The following EPHA7 variants were observed in gnomAD, a reference collection of about 807,000 sequenced individuals.
EPHA7 encodes ephrin type-A receptor 7.
In EPHA7, 25 loss-of-function variants were observed where a neutral mutation model predicts 112.6. The ratio of observed to expected loss-of-function variants is 0.22; its 90% CI spans 0.16 to 0.31. EPHA7 has a LOEUF of 0.31. EPHA7 is among the 10% of genes least tolerant of loss of function. The pLI, the probability that EPHA7 is intolerant of heterozygous loss-of-function variation, is 1.00. For synonymous variants in EPHA7, 437 were observed against 406.5 expected (o/e 1.07, Z -0.90); for missense variants, 962 against 1,212.6 (o/e 0.79, Z 3.07).
intron 5 of EPHA7, among the ~76,000 whole-genome samples, chr6:93,348,336 C>T (rs923166083): frequency 6.6e-6 from 1 of 151,618 alleles, no homozygotes; most frequent in Non-Finnish European, 1.5e-5. Context: ...CCTAAATATA[C>T]CAAACTATAA....
At chr6:93,402,018 C>A (rs574491246) in intron 3 of EPHA7, among the ~76,000 whole-genome samples, 2 of 151,970 alleles carry the variant, frequency 1.3e-5, no homozygotes, top group Admixed American at 6.6e-5. Context: ...TAACTGCCTG[C>A]CAGAAACCGA....
Position 93,398,459 on chromosome 6 carries a change from C to A in EPHA7, c.832+12042G>T, listed in dbSNP as rs540391470. On this transcript the variant is annotated intron_variant, in intron 3 of 16. Transcript: ENST00000369303. ...TTCAAATTATGAAAATGTGCCATAC[C>A]GTATGATTTGTAATTTTTATTTTGA... Among the ~76,000 whole-genome samples the A allele has an allele frequency of 2.6e-5, 4 of 151,922 alleles. No individual in the cohort carries two copies. In the East Asian group the frequency reaches 7.8e-4, roughly 29 times the overall value.
At chr6:93,372,799 T>C (rs1330660497) in intron 3 of EPHA7, among the ~76,000 whole-genome samples, 1 of 152,092 alleles carries the variant, frequency 6.6e-6, no homozygotes, top group Non-Finnish European at 1.5e-5. Flanking sequence ...CTAAGTGCTA[T>C]TCAATATGGT....
chr6:93,358,404 G>A lies in EPHA7; in HGVS notation c.840C>T (p.Gly280=), dbSNP rs372315274. The A allele has an allele frequency of 9.3e-6, 15 of 1,606,120 alleles. No homozygotes were observed. The highest frequency in any genetic ancestry group is 1.3e-5 in the Non-Finnish European group (15 of 1,175,988). ...QQKGDTCEPC[G]RGFYKSSSQD... ...GAGAGGAAGACTTGTAGAACCCACG[G>A]CCACAGGCTGGGAATGCAAAAGAAA... is the stretch of plus-strand genomic sequence containing the variant. The change falls in exon 4 of 17, where the codon GGC becomes GGT. Residue 280 remains glycine, a synonymous_variant. Coordinates refer to ENST00000369303, the MANE Select transcript of EPHA7 (RefSeq NM_004440.4).
At chr6:93,299,219 A>G (rs987520365) in intron 5 of EPHA7, among the ~76,000 whole-genome samples, 14 of 151,954 alleles carry the variant, frequency 9.2e-5, no homozygotes, top group Non-Finnish European at 1.3e-4. Context: ...CCAGCTACTC[A>G]GGAAGCTGAG....
intron 5 of EPHA7, among the ~76,000 whole-genome samples, chr6:93,338,773 G>T (rs1264787992): frequency 1.3e-5 from 2 of 151,358 alleles, no homozygotes; most frequent in Non-Finnish European, 3.0e-5. Flanking sequence ...GTCTTCCAAA[G>T]TTATACTATC....
chr6:93,410,285 A>C lies in EPHA7; in HGVS notation c.832+216T>G. ...GCATAGGACACATTAAATTTTAGTAACAAATTTCATTATCACCTATATTGA... is the reference window on the plus strand; with the variant it reads ...GCATAGGACACATTAAATTTTAGTACCAAATTTCATTATCACCTATATTGA... On this transcript the variant is annotated intron_variant, in intron 3 of 16. Coordinates refer to ENST00000369303, the MANE Select transcript of EPHA7 (RefSeq NM_004440.4). This position sits in a 1 kb window ranked among gnomAD's most constrained non-coding sequence, Gnocchi z 4.0. 1 of 546,876 alleles carries C rather than the reference A, an allele frequency of 1.8e-6. No homozygotes were observed. The highest frequency in any genetic ancestry group is 3.2e-6 in the Non-Finnish European group (1 of 308,880). The allele number at this position is 546,876 out of a possible 1,614,324, so 33.9% of individuals were successfully genotyped here.
intron 5 of EPHA7, among the ~76,000 whole-genome samples, chr6:93,339,527 TTAAC>T (rs1214017309): frequency 1.3e-5 from 2 of 151,740 alleles, no homozygotes; most frequent in Admixed American, 6.6e-5. Context: ...AATACTGAGA[TTAAC>T]TAATAAGATA....
chr6:93,372,742 G>C (rs542201528), intron 3 of EPHA7, among the ~76,000 whole-genome samples: 1 of 152,082 alleles, frequency 6.6e-6, no homozygotes, highest in Non-Finnish European at 1.5e-5. Flanking sequence ...TTGATGAAAT[G>C]TGTTGAGTGA....
Position 93,410,928 on chromosome 6 carries a change from G to T in EPHA7, c.405C>A (p.Gly135=), listed in dbSNP as rs749038632. ...LYYYETDYDT[G]RNIRENLYVK... is the part of the protein sequence containing the mutation. The stretch of plus-strand genomic sequence containing the variant: ...CATAGAGGTTTTCTCTTATATTCCT[G>T]CCAGTGTCATAGTCTGTTTCATAAT... The change falls in exon 3 of 17, where the codon GGC becomes GGA. Residue 135 remains glycine, a synonymous_variant. Coordinates refer to ENST00000369303, the MANE Select transcript of EPHA7 (RefSeq NM_004440.4). The surrounding 1 kb of genome is among the most constrained non-coding windows in gnomAD (Gnocchi z 4.0). 3 of 1,613,728 alleles carry T rather than the reference G, an allele frequency of 1.9e-6. No homozygotes were observed. The African/African-American group carries it at 4.0e-5, about 22-fold the overall frequency.
chr6:93,294,844 T>C (rs941201902), intron 5 of EPHA7, among the ~76,000 whole-genome samples: 2 of 152,132 alleles, frequency 1.3e-5, no homozygotes, highest in African/African-American at 4.8e-5. Flanking sequence ...TCAGTACTTT[T>C]TCTTTGCTTG....
intron 5 of EPHA7, among the ~76,000 whole-genome samples, chr6:93,302,510 C>T (rs976854967): frequency 8.5e-5 from 13 of 152,146 alleles, no homozygotes; most frequent in African/African-American, 3.1e-4. Context: ...ACCTCACTCC[C>T]TCTGGTACCT....
At chr6:93,342,053 T>C (rs1476603378) in intron 5 of EPHA7, among the ~76,000 whole-genome samples, 1 of 151,796 alleles carries the variant, frequency 6.6e-6, no homozygotes, top group Non-Finnish European at 1.5e-5. Flanking sequence ...AGGCCGAAAT[T>C]GGATACTTGG....
At chr6:93,374,587 C>T (rs1776960942) in intron 3 of EPHA7, among the ~76,000 whole-genome samples, 1 of 152,022 alleles carries the variant, frequency 6.6e-6, no homozygotes, top group Non-Finnish European at 1.5e-5. Context: ...TTTTATTTGC[C>T]AAAATAGAAG....
chr6:93,308,123 C>T (rs1773350467), intron 5 of EPHA7, among the ~76,000 whole-genome samples: 1 of 152,112 alleles, frequency 6.6e-6, no homozygotes, highest in East Asian at 1.9e-4. Flanking sequence ...AAAGCATATT[C>T]TTTGTATCTC....
At chr6:93,383,245 A>C (rs976764070) in intron 3 of EPHA7, among the ~76,000 whole-genome samples, 2 of 146,186 alleles carry the variant, frequency 1.4e-5, no homozygotes, top group Non-Finnish European at 1.5e-5. Context: ...AAAATATACA[A>C]TGACTTATAT....
intron 3 of EPHA7, among the ~76,000 whole-genome samples, chr6:93,398,587 AG>A (rs1409628393): frequency 8.0e-6 from 1 of 124,954 alleles, no homozygotes; most frequent in Non-Finnish European, 1.6e-5. Context: ...AAGATGGAGA[AG>A]GAAAAAAAAA....
At chr6:93,314,317 T>C (rs1477541247) in intron 5 of EPHA7, among the ~76,000 whole-genome samples, 1 of 152,222 alleles carries the variant, frequency 6.6e-6, no homozygotes, top group Non-Finnish European at 1.5e-5. Context: ...TAATCATTTA[T>C]GTATTATTTA....
intron 5 of EPHA7, among the ~76,000 whole-genome samples, chr6:93,299,321 G>A (rs1396479493): frequency 1.3e-5 from 2 of 148,440 alleles, no homozygotes; most frequent in Non-Finnish European, 3.0e-5. Flanking sequence ...GCGAGACTCC[G>A]TCTCAAAAAA....
Sources: allele counts gnomAD v4.1 joint callset (sites outside exome capture counted in the v4.1 genomes callset), GRCh38; gene constraint gnomAD v4.1.1; non-coding constraint Gnocchi (gnomAD v3.1); transcripts MANE v1.5; gene names NCBI Gene and HGNC (gene_info 2026-07-23, HGNC 2026-07-21).